CHMP3: variants seen among roughly 807,000 people sequenced by gnomAD.
The protein encoded by CHMP3 is charged multivesicular body protein 3, also known as 25.1 protein.
A neutral mutation model predicts 27.4 loss-of-function variants in CHMP3; 8 were observed. That is an observed-to-expected ratio of 0.29 (90% CI 0.17 to 0.53). The LOEUF is 0.53. Among genes scored for constraint, CHMP3 ranks in the 20% least tolerant of loss-of-function variants. CHMP3 has a pLI of 0.96. For missense variants in CHMP3, 208 were observed against 271.5 expected, an observed-to-expected ratio of 0.77 and a Z score of 1.64; for synonymous variants, 86 against 85.5, an observed-to-expected ratio of 1.01 and a Z score of -0.03.
At chr2:86,529,482 T>C in intron 2 of CHMP3, 85 bp from the exon 3 acceptor site, 1 of 1,278,470 alleles carries the variant, frequency 7.8e-7, no homozygotes, top group Non-Finnish European at 1.0e-6. Context: ...TCTAAATGTA[T>C]CTATTAAATA....
intron 3 of CHMP3, among the ~76,000 whole-genome samples, chr2:86,520,676 G>C (rs1675486965): frequency 1.3e-5 from 2 of 152,174 alleles, no homozygotes; most frequent in African/African-American, 4.8e-5. Flanking sequence ...CAAACGTTAT[G>C]CTTGACCCCA....
chr2:86,512,536 G>A (rs1472263469), intron 3 of CHMP3: 1 of 152,098 alleles, frequency 6.6e-6, no homozygotes, highest in African/African-American at 2.4e-5. Flanking sequence ...GGTGTGGCAG[G>A]TAAAAATTAT....
At chr2:86,518,050 C>T (rs1416946533) in intron 3 of CHMP3, among the ~76,000 whole-genome samples, 4 of 152,108 alleles carry the variant, frequency 2.6e-5, no homozygotes, top group Non-Finnish European at 5.9e-5. Flanking sequence ...ACACACTAGA[C>T]CAACAGTGTG....
chr2:86,505,855 C>T lies in CHMP3; in HGVS notation c.618G>A (p.Glu206=). The T allele has an allele frequency of 3.2e-6, 5 of 1,587,120 alleles. No individual in the cohort carries two copies. The highest frequency in any genetic ancestry group is 3.4e-6 in the Non-Finnish European group (4 of 1,165,492). The part of the protein sequence containing the change: ...AMAASEDEEE[E]EEALEAMQSR... ...ACTGCATGGCCTCCAGAGCCTCTTC[C>T]TCCTCCTCCTCATCCTCTGAGGCAG... is the stretch of plus-strand genomic sequence containing the variant. The change falls in exon 6 of 6, where the codon GAG becomes GAA. Residue 206 remains glutamate (E), a synonymous_variant. Coordinates refer to ENST00000263856, the MANE Select transcript of CHMP3 (RefSeq NM_016079.4).
At chr2:86,536,683 T>C (rs946275081) in intron 2 of CHMP3, among the ~76,000 whole-genome samples, 6 of 152,242 alleles carry the variant, frequency 3.9e-5, no homozygotes, top group Admixed American at 3.3e-4. Flanking sequence ...CTTGGCAAGA[T>C]CTCACTTGAG....
In CHMP3 at chr2:86,505,849, C is replaced by G; in HGVS notation, c.624G>C (p.Glu208Asp). ...AASEDEEEEE[E>D]ALEAMQSRLA... is the part of the protein sequence containing the mutation. ...GCCGGGACTGCATGGCCTCCAGAGC[C>G]TCTTCCTCCTCCTCCTCATCCTCTG... The change falls in exon 6 of 6, where the codon GAG (glutamate) becomes GAC (aspartate). Residue 208 changes from glutamate to aspartate, a missense_variant. Around this residue, in one of 3 missense-constraint regions of CHMP3, gnomAD observed 62 missense variants for 68.4 expected, o/e 0.91. Transcript: ENST00000263856. 1 of 1,604,114 alleles carries G rather than the reference C, an allele frequency of 6.2e-7. No individual in the cohort carries two copies. Among genetic ancestry groups the G allele is most frequent in the East Asian group, 2.3e-5 (1 of 44,160 alleles).
At chr2:86,562,403 G>A (rs966246887) in intron 1 of CHMP3, among the ~76,000 whole-genome samples, 5 of 152,202 alleles carry the variant, frequency 3.3e-5, no homozygotes, top group Non-Finnish European at 7.3e-5. Context: ...CTGGAGTGGT[G>A]TCCGAGATTT....
chr2:86,547,635 G>A (rs774030282), intron 1 of CHMP3, among the ~76,000 whole-genome samples: 6 of 152,164 alleles, frequency 3.9e-5, no homozygotes, highest in African/African-American at 7.2e-5. Flanking sequence ...TTATGTTAGA[G>A]TTAAGAAACA....
chr2:86,543,126 A>T (rs1186298989), intron 1 of CHMP3, among the ~76,000 whole-genome samples: 4 of 152,198 alleles, frequency 2.6e-5, no homozygotes, highest in African/African-American at 9.7e-5. Context: ...GAGTCTGATA[A>T]ATCATAAAAC....
intron 1 of CHMP3, among the ~76,000 whole-genome samples, chr2:86,549,766 G>A (rs1482897248): frequency 2.0e-5 from 3 of 147,494 alleles, no homozygotes; most frequent in South Asian, 2.2e-4. Context: ...AGGCAGAGGC[G>A]CTCCTCGCCT....
At chr2:86,555,396 C>T (rs1677080145) in intron 1 of CHMP3, among the ~76,000 whole-genome samples, 1 of 151,616 alleles carries the variant, frequency 6.6e-6, no homozygotes, top group African/African-American at 2.4e-5. Context: ...TAACAAAGTA[C>T]TTAAAACATA....
In CHMP3 at chr2:86,505,104, T is replaced by TTCC; in HGVS notation, c.*699_*700insGGA. 6.6e-6 allele frequency: 1 copy of TTCC among 152,422 alleles called. No individual in the cohort carries two copies. The highest frequency in any genetic ancestry group is 2.4e-5 in the African/African-American group (1 of 41,396). 9.4% of individuals were successfully genotyped at this position (152,422 alleles called of 1,614,324 possible). On this transcript the variant is annotated 3_prime_UTR_variant, in exon 6 of 6. Coordinates refer to ENST00000263856, the MANE Select transcript of CHMP3 (RefSeq NM_016079.4). The stretch of plus-strand genomic sequence containing the variant: ...GCAATGAGAGGTGAAAGAGACCTAG[T>TTCC]ACTACAGCTGTCTCATCTGGGTGCA...
intron 3 of CHMP3, among the ~76,000 whole-genome samples, chr2:86,522,483 G>A (rs1675554398): frequency 6.6e-6 from 1 of 152,170 alleles, no homozygotes. Context: ...GAAGCCAGGT[G>A]AACCAAATAG....
intron 3 of CHMP3, among the ~76,000 whole-genome samples, chr2:86,522,654 C>A (rs1675559723): frequency 6.6e-6 from 1 of 152,172 alleles, no homozygotes; most frequent in South Asian, 2.1e-4. Flanking sequence ...TCACTCTGCA[C>A]CTGTTCTTCT....
intron 3 of CHMP3, among the ~76,000 whole-genome samples, chr2:86,519,979 G>A (rs991599462): frequency 1.9e-4 from 29 of 152,074 alleles, no homozygotes; most frequent in South Asian, 1.0e-3. Context: ...TTTATTTAAC[G>A]GCTCAAATTT....
At position 86,559,191 on chromosome 2, in the gene CHMP3, G is replaced by T. The variant is rs148094615; in HGVS notation, c.45+4113C>A. ...GACATAACAAAAAGGCAGAAGAAAG[G>T]CAAATTCTTGCTCTCTTCTGCATCT... is the stretch of plus-strand genomic sequence containing the variant. On this transcript the variant is annotated intron_variant, in intron 1 of 5. Transcript: ENST00000263856. Among the ~76,000 whole-genome samples, 15 of 152,274 alleles carry T rather than the reference G, an allele frequency of 9.9e-5. 1 individual carries two copies. The highest frequency in any genetic ancestry group is 2.6e-4 in the African/African-American group (11 of 41,570).
intron 1 of CHMP3, among the ~76,000 whole-genome samples, chr2:86,559,507 C>T (rs1187117039): frequency 6.6e-6 from 1 of 152,208 alleles, no homozygotes; most frequent in Non-Finnish European, 1.5e-5. Flanking sequence ...ATACACCATC[C>T]CTGCTTTATT....
chr2:86,521,135 C>T (rs2103918348), intron 3 of CHMP3, among the ~76,000 whole-genome samples: 1 of 152,326 alleles, frequency 6.6e-6, no homozygotes. Flanking sequence ...TTGCTCTTAA[C>T]TTCACCGCCT....
Position 86,515,907 on chromosome 2 carries a change from C to T in CHMP3, c.287-5428G>A, listed in dbSNP as rs183631364. 3.7e-4 allele frequency among the ~76,000 whole-genome samples: 56 copies of T among 151,784 alleles called. No individual in the cohort carries two copies. In the East Asian group the frequency reaches 9.7e-3, roughly 26 times the overall value. ...GCATGGTGGCTCACCCCTGTAATCC[C>T]AATACTTTGTGAGGCTGATGTGGGT... On this transcript the variant is annotated intron_variant, in intron 3 of 5. Transcript: ENST00000263856.
Sources: allele counts gnomAD v4.1 joint callset (sites outside exome capture counted in the v4.1 genomes callset), GRCh38; gene constraint gnomAD v4.1.1; regional missense constraint gnomAD v4.1.1; transcripts MANE v1.5; gene names NCBI Gene and HGNC (gene_info 2026-07-23, HGNC 2026-07-21).